The following CDC42BPB variants were observed in gnomAD, a reference collection of about 807,000 sequenced individuals.
The protein encoded by CDC42BPB is CDC42 binding protein kinase beta, also known as serine/threonine-protein kinase MRCK beta.
Under a neutral mutation model 214.9 loss-of-function variants are expected in CDC42BPB, and 37 were observed. The observed-to-expected ratio is 0.17, with a 90% CI of 0.13 to 0.23. CDC42BPB has a LOEUF of 0.23. Among genes scored for constraint, CDC42BPB ranks in the 10% least tolerant of loss-of-function variants. CDC42BPB has a pLI of 1.00. For missense variants in CDC42BPB, 1,694 were observed against 2,227.0 expected (o/e 0.76, Z 4.82); for synonymous variants, 931 against 884.0 (o/e 1.05, Z -0.94).
rs965000786 is a variant in CDC42BPB, at chr14:102,932,990, G to A, written c.*722C>T. 4 of 152,236 alleles carry A rather than the reference G, an allele frequency of 2.6e-5. No individual in the cohort carries two copies. Among genetic ancestry groups the A allele is most frequent in the Admixed American group, 2.0e-4 (3 of 15,248 alleles). 9.4% of individuals were successfully genotyped at this position (152,236 alleles called of 1,614,324 possible). ...AGGCCACAGGGCCTGCCTGCACCAC[G>A]ACACTCGCTGGTTTTATGGCAGGAG... is the stretch of plus-strand genomic sequence containing the variant. On this transcript the variant is annotated 3_prime_UTR_variant, in exon 37 of 37. Coordinates refer to ENST00000361246, the MANE Select transcript of CDC42BPB (RefSeq NM_006035.4).
At chr14:103,034,930 T>G (rs760267032) in intron 1 of CDC42BPB, among the ~76,000 whole-genome samples, 5 of 152,200 alleles carry the variant, frequency 3.3e-5, no homozygotes, top group African/African-American at 4.8e-5. Flanking sequence ...AAACAAAGTT[T>G]TATTTATATT....
At chr14:102,964,400 C>T (rs1389034370) in intron 19 of CDC42BPB, 102 bp downstream of exon 19, 39 of 1,427,194 alleles carry the variant, frequency 2.7e-5, no homozygotes, top group East Asian at 1.7e-4. Flanking sequence ...GCCGTGGCCC[C>T]GATTTTCCAG....
intron 1 of CDC42BPB, among the ~76,000 whole-genome samples, chr14:103,051,931 T>C (rs1039136819): frequency 2.0e-5 from 3 of 152,126 alleles, no homozygotes; most frequent in Non-Finnish European, 4.4e-5. Flanking sequence ...CCGCAACCTC[T>C]GCCTCCTGGG....
chr14:102,971,077 C>A (rs1440876124), intron 13 of CDC42BPB, among the ~76,000 whole-genome samples: 1 of 152,166 alleles, frequency 6.6e-6, no homozygotes, highest in Non-Finnish European at 1.5e-5. Context: ...TGTGCAAGGC[C>A]CTTCCTTTCC....
chr14:103,044,196 A>G (rs570716237), intron 1 of CDC42BPB, among the ~76,000 whole-genome samples: 1 of 152,146 alleles, frequency 6.6e-6, no homozygotes, highest in South Asian at 2.1e-4. Context: ...GGGTTAGAAA[A>G]CAAATATCCA....
intron 1 of CDC42BPB, among the ~76,000 whole-genome samples, chr14:103,054,781 G>C (rs1486647920): frequency 6.6e-6 from 1 of 152,244 alleles, no homozygotes; most frequent in Non-Finnish European, 1.5e-5. Flanking sequence ...AATTTCCAAA[G>C]AGCCAGAATA....
At chr14:102,942,063 T>C (rs974623188) in intron 30 of CDC42BPB, among the ~76,000 whole-genome samples, 2 of 152,246 alleles carry the variant, frequency 1.3e-5, no homozygotes, top group African/African-American at 4.8e-5. Flanking sequence ...CTCTTCAACG[T>C]TACGCTTTGC....
intron 30 of CDC42BPB, chr14:102,940,562 G>C (rs1330567704): frequency 8.2e-6 from 9 of 1,098,234 alleles, no homozygotes; most frequent in Non-Finnish European, 1.1e-5. Context: ...CTAATATTTT[G>C]AATACTACAG....
intron 3 of CDC42BPB, 99 bp downstream of exon 3, chr14:103,008,373 G>A (rs1202517602): frequency 6.2e-6 from 5 of 800,852 alleles, no homozygotes; most frequent in Non-Finnish European, 1.1e-5. Flanking sequence ...GGGAGGCCCA[G>A]GGCTGTGGGG....
chr14:103,000,683 C>A (rs1894937575), intron 4 of CDC42BPB, among the ~76,000 whole-genome samples: 1 of 152,216 alleles, frequency 6.6e-6, no homozygotes, highest in African/African-American at 2.4e-5. Context: ...GAGTAAACGC[C>A]CTGTTTATCA....
chr14:103,040,615 C>CA (rs1455096187), intron 1 of CDC42BPB, among the ~76,000 whole-genome samples: 1 of 151,792 alleles, frequency 6.6e-6, no homozygotes, highest in African/African-American at 2.4e-5. Context: ...GCTGCCAACA[C>CA]ACCCAGCTAA....
chr14:103,056,659 G>C (rs1888976663), intron 1 of CDC42BPB, among the ~76,000 whole-genome samples: 1 of 150,536 alleles, frequency 6.6e-6, no homozygotes, highest in Admixed American at 6.6e-5. Flanking sequence ...AGCCGCCAGG[G>C]CGAGGGCCCG....
Position 102,967,109 on chromosome 14 carries a change from T to C in CDC42BPB, c.2408A>G (p.Asp803Gly). 1 of 1,614,206 alleles carries C rather than the reference T, an allele frequency of 6.2e-7. No homozygotes were observed. The highest frequency in any genetic ancestry group is 8.5e-7 in the Non-Finnish European group (1 of 1,180,008). Reference sequence around the variant, plus strand: ...CACTGACTCCTTCTTGGCTGCCAGATCCTGCAGCTCATCCTCCAGCTGTCT... The same window carrying C: ...CACTGACTCCTTCTTGGCTGCCAGACCCTGCAGCTCATCCTCCAGCTGTCT... ...QNRQLEDELQ[D>G]LAAKKESVAH... Residue 803 changes from aspartate (D) to glycine (G), a missense_variant, in exon 17 of 37, where the codon GAT becomes GGT. Transcript: ENST00000361246.
chr14:103,019,120 G>A (rs1384373786), intron 1 of CDC42BPB, among the ~76,000 whole-genome samples: 6 of 152,120 alleles, frequency 3.9e-5, no homozygotes, highest in Non-Finnish European at 5.9e-5. Context: ...CTTTTTTAGA[G>A]ACGGGGTCTT....
chr14:102,973,387 T>C (rs1007438912), intron 12 of CDC42BPB, among the ~76,000 whole-genome samples: 6 of 152,230 alleles, frequency 3.9e-5, no homozygotes, highest in Admixed American at 3.9e-4. Flanking sequence ...ACGCATATAA[T>C]TGTGTTAGTA....
At chr14:103,052,313 A>G (rs924649046) in intron 1 of CDC42BPB, among the ~76,000 whole-genome samples, 1 of 152,236 alleles carries the variant, frequency 6.6e-6, no homozygotes, top group Non-Finnish European at 1.5e-5. Flanking sequence ...ATCTTACTCA[A>G]AAGATCTATT....
intron 21 of CDC42BPB, among the ~76,000 whole-genome samples, chr14:102,957,382 C>G (rs1288285386): frequency 6.6e-6 from 1 of 151,952 alleles, no homozygotes; most frequent in Admixed American, 6.6e-5. Context: ...ACCGGGCCCT[C>G]TACTCTGTTA....
In CDC42BPB at chr14:102,968,512, A is replaced by G; in HGVS notation, c.2200T>C (p.Leu734=). ...TTTTCTAACTTATCTTTTAACATCAAGATTTCTTTCTGCAGGGCCAGCTGG... is the reference window on the plus strand; with the variant it reads ...TTTTCTAACTTATCTTTTAACATCAGGATTTCTTTCTGCAGGGCCAGCTGG... The part of the protein sequence containing the change: ...SHQLALQKEI[L]MLKDKLEKSK... Residue 734 remains leucine (L), a synonymous_variant, in exon 15 of 37, where the codon TTG becomes CTG. Coordinates refer to ENST00000361246, the MANE Select transcript of CDC42BPB (RefSeq NM_006035.4). 6.2e-7 allele frequency: 1 copy of G among 1,614,162 alleles called. No individual in the cohort carries two copies. The highest frequency in any genetic ancestry group is 8.5e-7 in the Non-Finnish European group (1 of 1,180,028).
At chr14:102,996,287 C>G (rs914580840) in intron 5 of CDC42BPB, among the ~76,000 whole-genome samples, 1 of 152,022 alleles carries the variant, frequency 6.6e-6, no homozygotes, top group Non-Finnish European at 1.5e-5. Context: ...TTGCAGTGAG[C>G]TGAGATGATG....
Sources: allele counts gnomAD v4.1 joint callset (sites outside exome capture counted in the v4.1 genomes callset), GRCh38; gene constraint gnomAD v4.1.1; transcripts MANE v1.5; gene names NCBI Gene and HGNC (gene_info 2026-07-23, HGNC 2026-07-21).